DPEP1: variants seen among roughly 807,000 people sequenced by gnomAD.
DPEP1 encodes the protein beta-lactamase.
DPEP1 carries 50 observed loss-of-function variants against 42.3 expected under a neutral mutation model. The observed-to-expected ratio is 1.18, with a 90% CI of 0.94 to 1.50. The LOEUF (loss-of-function observed/expected upper bound fraction) is 1.50, where lower values mean the gene tolerates loss of function less well. Ranked by LOEUF, DPEP1 falls within the 40% of genes most tolerant of loss-of-function variation. DPEP1 has a pLI of 0.00. For missense variants in DPEP1, 663 were observed against 553.0 expected (o/e 1.20, Z -1.99); for synonymous variants, 297 against 234.0 (o/e 1.27, Z -2.46).
downstream of DPEP1, chr16:89,640,686 G>A (rs1047794717): frequency 2.1e-5 from 20 of 970,300 alleles, no homozygotes; most frequent in South Asian, 4.8e-5. Context: ...TTGGAGACTC[G>A]GGGGGTCCCT....
intron 1 of DPEP1, among the ~76,000 whole-genome samples, chr16:89,628,093 T>G (rs1365164257): frequency 6.6e-6 from 1 of 151,908 alleles, no homozygotes; most frequent in Non-Finnish European, 1.5e-5. Context: ...CGGCTAATTT[T>G]TTTTATTTTT....
chr16:89,614,639 C>G (rs1348467111), intron 1 of DPEP1, among the ~76,000 whole-genome samples: 3 of 152,210 alleles, frequency 2.0e-5, no homozygotes, highest in East Asian at 3.9e-4. Flanking sequence ...ATAAAAAATA[C>G]AAAAAATTAG....
At chr16:89,636,197 C>T in intron 3 of DPEP1, 67 bp from the exon 4 acceptor site, 1 of 1,563,640 alleles carries the variant, frequency 6.4e-7, no homozygotes, top group Non-Finnish European at 8.6e-7. Flanking sequence ...ACCAGACTCC[C>T]ACAGGCATGC....
chr16:89,638,275 GC>G lies in DPEP1; in HGVS notation c.*56del, dbSNP rs2059711347. 6.7e-7 allele frequency: 1 copy of G among 1,484,898 alleles called. No individual in the cohort carries two copies. Among genetic ancestry groups the G allele is most frequent in the African/African-American group, 1.4e-5 (1 of 70,776 alleles). The allele number at this position is 1,484,898 out of a possible 1,614,324, so 92.0% of individuals were successfully genotyped here. ...GGTTCCCGGAGCTCCGGGAAGACCC[GC>G]CCATCCCAGGACTCCAGATGCCAGG... On this transcript the variant is annotated 3_prime_UTR_variant, in exon 11 of 11. Coordinates refer to ENST00000690203, the MANE Select transcript of DPEP1 (RefSeq NM_001389466.1).
rs185952042 is a variant in DPEP1, at chr16:89,637,673, G to T, written c.895G>T (p.Val299Leu). ...HIKEVAGARA[V>L]GFGGDFDGVP... ...CAAGGAGGTGGCAGGAGCCAGAGCC[G>T]TGGGTTTTGGTGGGGACTTTGATGG... Residue 299 changes from valine (V) to leucine (L), a missense_variant, in exon 9 of 11, where the codon GTG becomes TTG. Physicochemically the swap from Val to Leu is conservative, Grantham distance 32 (BLOSUM62 1). Transcript: ENST00000690203. 1.2e-6 allele frequency: 2 copies of T among 1,612,938 alleles called. No homozygotes were observed. Among genetic ancestry groups the T allele is most frequent in the African/African-American group, 1.3e-5 (1 of 74,934 alleles).
chr16:89,634,088 CTTCT>C (rs199707260), intron 2 of DPEP1, among the ~76,000 whole-genome samples: 2,829 of 81,978 alleles, frequency 0.035, 88 homozygotes, highest in African/African-American at 0.085. Context: ...CTCTTCTCTT[CTTCT>C]TTTTTTTTTT....
chr16:89,618,414 C>T (rs991052888), intron 1 of DPEP1, among the ~76,000 whole-genome samples: 6 of 152,112 alleles, frequency 3.9e-5, no homozygotes, highest in Non-Finnish European at 8.8e-5. Context: ...ATGGGGGTCT[C>T]CCTATGTTTC....
chr16:89,617,569 C>T (rs958631497), intron 1 of DPEP1, among the ~76,000 whole-genome samples: 117 of 144,876 alleles, frequency 8.1e-4, no homozygotes, highest in African/African-American at 2.7e-3. Flanking sequence ...GGAAGGCGGC[C>T]GGGCGCGGCG....
intron 1 of DPEP1, among the ~76,000 whole-genome samples, chr16:89,626,897 C>G (rs954462967): frequency 1.3e-5 from 2 of 151,436 alleles, no homozygotes; most frequent in African/African-American, 4.9e-5. Context: ...GCGGGTGGAT[C>G]ACTTGGGGTC....
chr16:89,624,274 G>A (rs1052349162), intron 1 of DPEP1, among the ~76,000 whole-genome samples: 6 of 152,110 alleles, frequency 3.9e-5, no homozygotes, highest in Non-Finnish European at 8.8e-5. Flanking sequence ...GAGGCTGAAT[G>A]GGAAGCGTGG....
intron 1 of DPEP1, among the ~76,000 whole-genome samples, chr16:89,622,796 A>AC (rs2059462210): frequency 6.6e-6 from 1 of 151,866 alleles, no homozygotes. Context: ...AAAAAAAAAA[A>AC]ACACACTCGT....
rs3039849 is a variant in DPEP1 at position 89,634,091 on chromosome 16, C to CTTTTTTTTTTTTT, written c.105-1813_105-1801dup. 8.9e-5 allele frequency among the ~76,000 whole-genome samples: 11 copies of CTTTTTTTTTTTTT among 123,688 alleles called. 4 individuals carry two copies. The highest frequency in any genetic ancestry group is 1.7e-4 in the Admixed American group (2 of 12,102). The allele number at this position is 123,688 out of a possible 152,430, so 81.1% of individuals were successfully genotyped here. A position where few individuals can be genotyped will look rare whatever the true frequency, so the allele number is the denominator to read the frequency against. ...TATTTTTCTTTTCTCTTCTCTTCTT[C>CTTTTTTTTTTTTT]TTTTTTTTTTTTTTTTGGAGGGAGT... On this transcript the variant is annotated intron_variant, in intron 2 of 10. Coordinates refer to ENST00000690203, the MANE Select transcript of DPEP1 (RefSeq NM_001389466.1).
intron 1 of DPEP1, among the ~76,000 whole-genome samples, chr16:89,614,707 A>G (rs2059364954): frequency 6.6e-6 from 1 of 152,182 alleles, no homozygotes; most frequent in Non-Finnish European, 1.5e-5. Context: ...AAGCAGGAGA[A>G]TGGCGTGAAC....
chr16:89,634,001 C>T (rs1389492416), intron 2 of DPEP1, among the ~76,000 whole-genome samples: 1 of 152,026 alleles, frequency 6.6e-6, no homozygotes, highest in African/African-American at 2.4e-5. Flanking sequence ...CTCCTCACAG[C>T]CTGGTTGAAA....
chr16:89,640,774 T>C (rs1329951033), downstream of DPEP1, among the ~76,000 whole-genome samples: 3 of 152,086 alleles, frequency 2.0e-5, no homozygotes, highest in Admixed American at 1.3e-4. Flanking sequence ...GTTTTTCTCC[T>C]CGTGTACGGA....
At chr16:89,634,993 CCCTTCCTTCTCCTTT>C in intron 2 of DPEP1, among the ~76,000 whole-genome samples, 1 of 68,568 alleles carries the variant, frequency 1.5e-5, no homozygotes, top group East Asian at 5.0e-4. Flanking sequence ...CTTCTCCTTT[CCCTTCCTTCTCCTTT>C]CCCTTCCTTC....
At chr16:89,634,850 T>TC (rs1216651926) in intron 2 of DPEP1, among the ~76,000 whole-genome samples, 1 of 63,360 alleles carries the variant, frequency 1.6e-5, no homozygotes, top group African/African-American at 5.6e-5. Flanking sequence ...CCTTCTCCTT[T>TC]CCCTTCCTTC....
In DPEP1 at chr16:89,636,406, T is replaced by TGACCTGGGTCCTCCAG; in HGVS notation, c.370+12_370+27dup. Reference sequence around the variant, plus strand: ...GTCACCAGCAGTGCAGGTGGGGTCCTGACCTGGGTCCTCCAGGTCCTGCGT... The same window carrying TGACCTGGGTCCTCCAG: ...GTCACCAGCAGTGCAGGTGGGGTCCTGACCTGGGTCCTCCAGGACCTGGGTCCTCCAGGTCCTGCGT... On this transcript the variant is annotated intron_variant, in intron 4 of 10. Coordinates refer to ENST00000690203, the MANE Select transcript of DPEP1 (RefSeq NM_001389466.1). The TGACCTGGGTCCTCCAG allele has an allele frequency of 1.2e-6, 2 of 1,608,876 alleles. No individual in the cohort carries two copies. The highest frequency in any genetic ancestry group is 1.7e-6 in the Non-Finnish European group (2 of 1,177,582).
At chr16:89,620,392 C>T (rs1239446993) in intron 1 of DPEP1, among the ~76,000 whole-genome samples, 2 of 152,176 alleles carry the variant, frequency 1.3e-5, no homozygotes, top group African/African-American at 4.8e-5. Context: ...AACCTGCTGC[C>T]ACCTAAGGCA....
Sources: gnomAD v4.1 joint callset for allele counts (sites outside exome capture counted in the v4.1 genomes callset) on GRCh38, gnomAD v4.1.1 for gene constraint, MANE v1.5 for transcripts, NCBI Gene and HGNC (gene_info 2026-07-23, HGNC 2026-07-21) for gene names.